Variants in HDGFL3 observed in about 807,000 individuals in gnomAD.
HDGFL3 encodes the protein hepatoma-derived growth factor-related protein 3.
Under a neutral mutation model 27.6 loss-of-function variants are expected in HDGFL3, and 6 were observed. The ratio of observed to expected loss-of-function variants is 0.22; its 90% CI spans 0.12 to 0.43. The LOEUF (loss-of-function observed/expected upper bound fraction) is 0.43, where lower values mean the gene tolerates loss of function less well. HDGFL3 is among the 20% of genes least tolerant of loss of function. The probability of loss-of-function intolerance (pLI) is 1.00; values close to 1 mark genes in which losing one functional copy is unlikely to be tolerated. For missense variants in HDGFL3, 207 were observed against 250.1 expected (o/e 0.83, Z 1.16); for synonymous variants, 88 against 88.9 (o/e 0.99, Z 0.05).
intron 1 of HDGFL3, among the ~76,000 whole-genome samples, chr15:83,201,357 A>G (rs2037644090): frequency 6.6e-6 from 1 of 152,168 alleles, no homozygotes; most frequent in African/African-American, 2.4e-5. Context: ...TTCTGTACCT[A>G]TTTTGTCACT....
In HDGFL3 at chr15:83,130,484, ATGG is replaced by A. The variant is rs1404627431; in HGVS notation, c.*8783_*8785del. 1 of 152,232 alleles carries A rather than the reference ATGG, an allele frequency of 6.6e-6. No individual in the cohort carries two copies. The highest frequency in any genetic ancestry group is 2.4e-5 in the African/African-American group (1 of 41,436). The allele number at this position is 152,232 out of a possible 1,614,324, so 9.4% of individuals were successfully genotyped here. On this transcript the variant is annotated 3_prime_UTR_variant, in exon 6 of 6. Coordinates refer to ENST00000299633, the MANE Select transcript of HDGFL3 (RefSeq NM_016073.4). ...AAGGCAGCCTGAAGCCCCTCTCTTGATGGTGAATGCCCAGATCCAGAGCCTAAG... is the reference window on the plus strand; with the variant it reads ...AAGGCAGCCTGAAGCCCCTCTCTTGATGAATGCCCAGATCCAGAGCCTAAG...
At chr15:83,156,553 C>G (rs568222200) in intron 4 of HDGFL3, among the ~76,000 whole-genome samples, 2 of 152,126 alleles carry the variant, frequency 1.3e-5, no homozygotes, top group South Asian at 4.1e-4. Flanking sequence ...AAAAATATAT[C>G]TTTTTACAGT....
At chr15:83,155,963 A>G (rs2037023865) in intron 4 of HDGFL3, among the ~76,000 whole-genome samples, 1 of 152,222 alleles carries the variant, frequency 6.6e-6, no homozygotes, top group Admixed American at 6.5e-5. Context: ...ACCATATGAA[A>G]AAACCTAGAC....
chr15:83,151,486 C>A (rs2036963104), intron 4 of HDGFL3, 125 bp from the exon 5 acceptor site: 1 of 726,642 alleles, frequency 1.4e-6, no homozygotes, highest in East Asian at 2.9e-5. Flanking sequence ...TATACTGACA[C>A]AACATGTAGT....
chr15:83,168,011 A>C (rs1472372656), intron 1 of HDGFL3, among the ~76,000 whole-genome samples: 2 of 152,236 alleles, frequency 1.3e-5, no homozygotes, highest in Non-Finnish European at 2.9e-5. Context: ...AAGATCTCTC[A>C]AAATCACAAA....
intron 5 of HDGFL3, among the ~76,000 whole-genome samples, chr15:83,145,474 C>T (rs2036871086): frequency 6.6e-6 from 1 of 152,186 alleles, no homozygotes; most frequent in Admixed American, 6.5e-5. Flanking sequence ...CAAATGGTAG[C>T]TCTGTTCTCT....
downstream of HDGFL3, among the ~76,000 whole-genome samples, chr15:83,123,666 TG>T (rs2035470535): frequency 1.3e-5 from 2 of 152,180 alleles, no homozygotes; most frequent in Non-Finnish European, 2.9e-5. Context: ...AAACTCAGGC[TG>T]GCACACTGAC....
chr15:83,160,442 C>T (rs2037085766), intron 2 of HDGFL3, among the ~76,000 whole-genome samples: 1 of 151,950 alleles, frequency 6.6e-6, no homozygotes, highest in Non-Finnish European at 1.5e-5. Flanking sequence ...ACCTCAGCCT[C>T]CCAAAGTGCT....
rs1429866945 is a variant in HDGFL3 at position 83,207,532 on chromosome 15, C to G, written c.-118G>C. On this transcript the variant is annotated 5_prime_UTR_variant, in exon 1 of 6. Coordinates refer to ENST00000299633, the MANE Select transcript of HDGFL3 (RefSeq NM_016073.4). This position sits in a 1 kb window ranked among gnomAD's most constrained non-coding sequence, Gnocchi z 4.8. ...GCGGGCCTCAAGCCGGGCGGACGAGCGGCCGCTCCGACGAGGGGAAGCGGC... is the reference window on the plus strand; with the variant it reads ...GCGGGCCTCAAGCCGGGCGGACGAGGGGCCGCTCCGACGAGGGGAAGCGGC... 5.3e-6 allele frequency: 4 copies of G among 760,274 alleles called. No homozygotes were observed. Among genetic ancestry groups the G allele is most frequent in the Non-Finnish European group, 5.4e-6 (3 of 560,434 alleles). The allele number at this position is 760,274 out of a possible 1,614,324, so 47.1% of individuals were successfully genotyped here.
At chr15:83,156,938 C>A (rs998260750) in intron 4 of HDGFL3, among the ~76,000 whole-genome samples, 1 of 152,080 alleles carries the variant, frequency 6.6e-6, no homozygotes, top group Non-Finnish European at 1.5e-5. Flanking sequence ...ACCTTGTGAT[C>A]CGCCTGCCTC....
At chr15:83,190,207 CAAAA>C (rs57723810) in intron 1 of HDGFL3, among the ~76,000 whole-genome samples, 4 of 116,554 alleles carry the variant, frequency 3.4e-5, no homozygotes, top group Admixed American at 8.7e-5. Context: ...AACTCTGTCT[CAAAA>C]AAAAAAAAAA....
At chr15:83,171,580 T>C (rs775934576) in intron 1 of HDGFL3, among the ~76,000 whole-genome samples, 6 of 152,192 alleles carry the variant, frequency 3.9e-5, no homozygotes, top group Non-Finnish European at 8.8e-5. Context: ...CAAAATCATG[T>C]CCTCTGCAGC....
At chr15:83,120,845 C>A (rs1229997876) in intron 3 of HDGFL3, among the ~76,000 whole-genome samples, 1 of 151,290 alleles carries the variant, frequency 6.6e-6, no homozygotes, top group Non-Finnish European at 1.5e-5. Flanking sequence ...GGATTACAGG[C>A]GTGAACCACC....
In HDGFL3 at chr15:83,113,033, T is replaced by C. The variant is rs2034331303; in HGVS notation, c.*2676A>G. ...CAGTGGCTGCAAGTGTAGGGGTGTT[T>C]CAGGACAATCTGGCCCTCGCCTCTG... On this transcript the variant is annotated 3_prime_UTR_variant, in exon 4 of 4. Coordinates refer to the HDGFL3 transcript ENST00000568294. The C allele has an allele frequency of 9.4e-6, 7 of 747,356 alleles. No individual in the cohort carries two copies. The Admixed American group carries it at 1.3e-4, about 14-fold the overall frequency. 46.3% of individuals were successfully genotyped at this position (747,356 alleles called of 1,614,324 possible).
intron 5 of HDGFL3, among the ~76,000 whole-genome samples, chr15:83,148,622 G>GA (rs901423020): frequency 8.6e-4 from 117 of 136,526 alleles, no homozygotes; most frequent in East Asian, 1.3e-3. Flanking sequence ...ACTCCGTCTC[G>GA]AAAAAAAAAA....
intron 1 of HDGFL3, among the ~76,000 whole-genome samples, chr15:83,204,964 C>G (rs1021306766): frequency 6.6e-6 from 1 of 152,184 alleles, no homozygotes; most frequent in Non-Finnish European, 1.5e-5. Context: ...TATGAACCAG[C>G]TCTAATACAA....
In HDGFL3 at chr15:83,139,189, A is replaced by T; in HGVS notation, c.*81T>A. On this transcript the variant is annotated 3_prime_UTR_variant, in exon 6 of 6. Transcript: ENST00000299633. ...GACAACAAGGACTATGTGTTGGTTC[A>T]TATCAAATCCAAGAATATTAGACAA... The T allele has an allele frequency of 1.1e-6, 1 of 937,592 alleles. No individual in the cohort carries two copies. Among genetic ancestry groups the T allele is most frequent in the Non-Finnish European group, 1.5e-6 (1 of 664,410 alleles). 58.1% of individuals were successfully genotyped at this position (937,592 alleles called of 1,614,324 possible).
chr15:83,186,770 C>G (rs2037448251), intron 1 of HDGFL3, among the ~76,000 whole-genome samples: 1 of 152,136 alleles, frequency 6.6e-6, no homozygotes, highest in Non-Finnish European at 1.5e-5. Context: ...GAAAAACTAC[C>G]TGCTGGGTAC....
chr15:83,141,052 A>G (rs2036759643), intron 5 of HDGFL3, among the ~76,000 whole-genome samples: 1 of 152,206 alleles, frequency 6.6e-6, no homozygotes, highest in South Asian at 2.1e-4. Context: ...AGCAAATTAC[A>G]AAATCTGAGA....
Sources: allele counts gnomAD v4.1 joint callset (sites outside exome capture counted in the v4.1 genomes callset), GRCh38; gene constraint gnomAD v4.1.1; non-coding constraint Gnocchi (gnomAD v3.1); transcripts MANE v1.5; gene names NCBI Gene and HGNC (gene_info 2026-07-23, HGNC 2026-07-21).